SNCAIP: variants seen among roughly 807,000 people sequenced by gnomAD.
The protein encoded by SNCAIP is synuclein alpha interacting protein.
In SNCAIP, 43 loss-of-function variants were observed where a neutral mutation model predicts 86.7. The ratio of observed to expected loss-of-function variants is 0.50; its 90% CI spans 0.39 to 0.64. SNCAIP has a LOEUF of 0.64. Among genes scored for constraint, SNCAIP ranks in the 30% least tolerant of loss-of-function variants. The pLI is 0.00. For synonymous variants in SNCAIP, 417 were observed against 427.2 expected, an observed-to-expected ratio of 0.98 and a Z score of 0.29; for missense variants, 981 against 1,103.1, an observed-to-expected ratio of 0.89 and a Z score of 1.57.
chr5:122,353,642 G>A (rs1760378299), intron 1 of SNCAIP, among the ~76,000 whole-genome samples: 1 of 152,094 alleles, frequency 6.6e-6, no homozygotes, highest in Non-Finnish European at 1.5e-5. Flanking sequence ...AAGATCTGAT[G>A]ATTTTAAAAA....
At chr5:122,462,082 C>T (rs770505605) in intron 10 of SNCAIP, among the ~76,000 whole-genome samples, 3 of 152,144 alleles carry the variant, frequency 2.0e-5, no homozygotes, top group Non-Finnish European at 4.4e-5. Context: ...AGTTTTGTTT[C>T]TTGCTTTTTT....
chr5:122,366,586 A>G (rs7447041), intron 1 of SNCAIP, among the ~76,000 whole-genome samples: 134,839 of 152,236 alleles, frequency 0.89, 59,823 homozygotes, highest in Admixed American at 0.93. Flanking sequence ...GTGTGGTCAT[A>G]AGAGAAGGAG....
At chr5:122,425,262 ATTTC>A in intron 4 of SNCAIP, 86 bp from the exon 5 acceptor site, 1 of 989,172 alleles carries the variant, frequency 1.0e-6, no homozygotes, top group Non-Finnish European at 1.6e-6. Flanking sequence ...CTATAAGCTC[ATTTC>A]TTCTTTCCAG....
chr5:122,423,677 G>A lies in SNCAIP; in HGVS notation c.940G>A (p.Glu314Lys). The A allele has an allele frequency of 6.2e-7, 1 of 1,607,312 alleles. No homozygotes were observed. The highest frequency in any genetic ancestry group is 1.1e-5 in the South Asian group (1 of 90,908). ...CTCCCAAGGCCCAGAAGAAAGGAGT[G>A]AGTATCTGAAAAAAGTGAAAAGCAT... Reference protein sequence around the residue: ...TSSQGPEERSEYLKKVKSILN... With the variant: ...TSSQGPEERSKYLKKVKSILN... Residue 314 changes from glutamate (E) to lysine (K), a missense_variant, in exon 4 of 11, where the codon GAG becomes AAG. Coordinates refer to ENST00000261368, the MANE Select transcript of SNCAIP (RefSeq NM_005460.4).
At chr5:122,383,229 G>C (rs959809970) in intron 1 of SNCAIP, among the ~76,000 whole-genome samples, 53 of 152,244 alleles carry the variant, frequency 3.5e-4, no homozygotes, top group African/African-American at 1.2e-3. Flanking sequence ...CCAGGTGCGG[G>C]ATATAATCTC....
At position 122,354,161 on chromosome 5, in the gene SNCAIP, G is replaced by A. The variant is rs114013804; in HGVS notation, c.-46-36928G>A. 3.2e-4 allele frequency among the ~76,000 whole-genome samples: 49 copies of A among 152,234 alleles called. No individual in the cohort carries two copies. The South Asian group carries it at 5.4e-3, about 17-fold the overall frequency. On this transcript the variant is annotated intron_variant, in intron 1 of 10. Coordinates refer to ENST00000261368, the MANE Select transcript of SNCAIP (RefSeq NM_005460.4). The stretch of plus-strand genomic sequence containing the variant: ...CTGACACATTTACGTGACCTGTCTG[G>A]ACTCAGTAGACATTTGAGTTTACAC...
intron 1 of SNCAIP, among the ~76,000 whole-genome samples, chr5:122,333,784 C>T (rs946670716): frequency 1.3e-5 from 2 of 152,176 alleles, no homozygotes; most frequent in South Asian, 4.1e-4. Context: ...CAGCAGTAGT[C>T]CTGAGCAGGG....
chr5:122,445,675 T>C (rs1018822998), intron 8 of SNCAIP, among the ~76,000 whole-genome samples: 5 of 147,038 alleles, frequency 3.4e-5, no homozygotes, highest in Non-Finnish European at 6.0e-5. Context: ...CACACACACA[T>C]TTTTTTTCTG....
chr5:122,345,161 C>T (rs1195920605), intron 1 of SNCAIP, among the ~76,000 whole-genome samples: 3 of 152,092 alleles, frequency 2.0e-5, no homozygotes, highest in Non-Finnish European at 2.9e-5. Flanking sequence ...CCAGAATTCA[C>T]TAGTATTGTC....
intron 1 of SNCAIP, among the ~76,000 whole-genome samples, chr5:122,383,765 C>G (rs569417002): frequency 6.6e-6 from 1 of 152,290 alleles, no homozygotes; most frequent in East Asian, 1.9e-4. Context: ...CCAATCCTTA[C>G]AGGAATTTTT....
chr5:122,340,126 G>A (rs998526005), intron 1 of SNCAIP, among the ~76,000 whole-genome samples: 50 of 152,220 alleles, frequency 3.3e-4, no homozygotes, highest in African/African-American at 1.9e-4. Context: ...ATACAAAACC[G>A]ACTTAGAATT....
intron 7 of SNCAIP, chr5:122,444,280 C>A: frequency 1.9e-6 from 1 of 518,930 alleles, no homozygotes. Flanking sequence ...AGACAGAACT[C>A]CCCACCACAA....
In SNCAIP at chr5:122,451,410, G is replaced by C. The variant is rs1251760743; in HGVS notation, c.2563G>C (p.Asp855His). Reference sequence around the variant, plus strand: ...GACCTCCACAAGTAACGAATCGGGGGATCAACTGAAAAGGCCTTTTGGAGC... The same window carrying C: ...GACCTCCACAAGTAACGAATCGGGGCATCAACTGAAAAGGCCTTTTGGAGC... ...QRTSTSNESG[D>H]QLKRPFGAFR... The change falls in exon 10 of 11, where the codon GAT (aspartate) becomes CAT (histidine). Residue 855 changes from aspartate to histidine, a missense_variant. Transcript: ENST00000261368. 6.2e-7 allele frequency: 1 copy of C among 1,614,094 alleles called. No homozygotes were observed. Among genetic ancestry groups the C allele is most frequent in the Non-Finnish European group, 8.5e-7 (1 of 1,180,016 alleles).
At chr5:122,415,504 T>C (rs779359854) in intron 3 of SNCAIP, among the ~76,000 whole-genome samples, 8 of 152,218 alleles carry the variant, frequency 5.3e-5, no homozygotes, top group Non-Finnish European at 1.0e-4. Context: ...CTAAAGCTAA[T>C]TTTCTAATGT....
intron 8 of SNCAIP, among the ~76,000 whole-genome samples, chr5:122,447,914 CCATGTTAGACAATTA>C (rs893222983): frequency 2.6e-5 from 4 of 152,106 alleles, no homozygotes; most frequent in Admixed American, 2.6e-4. Flanking sequence ...TTGCTGGTTC[CCATGTTAGACAATTA>C]CATGTCAGTA....
chr5:122,408,224 C>A (rs751883793), intron 3 of SNCAIP, among the ~76,000 whole-genome samples: 12 of 152,190 alleles, frequency 7.9e-5, no homozygotes, highest in Non-Finnish European at 5.9e-5. Flanking sequence ...AACCTGTCAG[C>A]CCCACAGAAC....
chr5:122,382,330 G>A (rs552049153), intron 1 of SNCAIP, among the ~76,000 whole-genome samples: 43 of 152,140 alleles, frequency 2.8e-4, no homozygotes, highest in Non-Finnish European at 4.3e-4. Context: ...CCAGTTGATC[G>A]CATTGGCTCC....
intron 1 of SNCAIP, among the ~76,000 whole-genome samples, chr5:122,334,419 G>A (rs1045248626): frequency 2.0e-5 from 3 of 152,168 alleles, no homozygotes; most frequent in African/African-American, 7.2e-5. Flanking sequence ...TCTCAGATGT[G>A]AGTGACAATA....
intron 8 of SNCAIP, among the ~76,000 whole-genome samples, chr5:122,448,557 TTATATATATATATCCTTCCATATTTTA>T (rs1158763297): frequency 1.4e-5 from 2 of 144,400 alleles, no homozygotes; most frequent in Admixed American, 7.1e-5. Context: ...TCCATATTTT[TTATATATATATATCCTTCCATATTTTA>T]TATATATTTT....
Sources: allele counts gnomAD v4.1 joint callset (sites outside exome capture counted in the v4.1 genomes callset), GRCh38; gene constraint gnomAD v4.1.1; transcripts MANE v1.5; gene names NCBI Gene and HGNC (gene_info 2026-07-23, HGNC 2026-07-21).